CTNNA3: variants seen among roughly 807,000 people sequenced by gnomAD.
CTNNA3 encodes the protein catenin alpha-3.
In CTNNA3, 76 loss-of-function variants were observed where a neutral mutation model predicts 95.7. The ratio of observed to expected loss-of-function variants is 0.79; its 90% confidence interval spans 0.66 to 0.96. The LOEUF is 0.96. Ranked by LOEUF, CTNNA3 falls within the 40% of genes least tolerant of loss-of-function variation. The pLI is 0.00. For synonymous variants in CTNNA3, 431 were observed against 374.4 expected (o/e 1.15, Z -1.74); for missense variants, 1,191 against 1,089.8 (o/e 1.09, Z -1.31).
At chr10:67,349,252 C>T (rs927905181) in intron 5 of CTNNA3, among the ~76,000 whole-genome samples, 1 of 152,134 alleles carries the variant, frequency 6.6e-6, no homozygotes, top group South Asian at 2.1e-4. Flanking sequence ...AATTAGCATT[C>T]CCAGGTTCAT....
intron 12 of CTNNA3, among the ~76,000 whole-genome samples, chr10:66,357,749 A>G (rs1291821789): frequency 2.0e-5 from 3 of 152,162 alleles, no homozygotes; most frequent in East Asian, 1.9e-4. Flanking sequence ...TAATGATGCT[A>G]TAAGTACGCA....
chr10:66,851,903 T>G (rs2132384038), intron 7 of CTNNA3, among the ~76,000 whole-genome samples: 1 of 152,246 alleles, frequency 6.6e-6, no homozygotes, highest in African/African-American at 2.4e-5. Context: ...ATTTACTGAC[T>G]GCTCAAGTCT....
chr10:67,360,352 T>A (rs536824244), intron 5 of CTNNA3, among the ~76,000 whole-genome samples: 9 of 148,376 alleles, frequency 6.1e-5, no homozygotes, highest in African/African-American at 2.2e-4. Flanking sequence ...ACCTCACATA[T>A]CAATATTAAT....
At position 67,743,074 on chromosome 10, in the gene CTNNA3, C is replaced by T. The variant is rs1219267308; in HGVS notation, c.-2+20360G>A. On this transcript the variant is annotated intron_variant, in intron 1 of 17. Transcript: ENST00000684154. The stretch of plus-strand genomic sequence containing the variant: ...TCACAGCCGAATTCTACCAGAGGTA[C>T]AAACAGGAGCTGGTACCATTCCTTC... 5.6e-4 allele frequency among the ~76,000 whole-genome samples: 85 copies of T among 151,222 alleles called. 4 individuals are homozygous for T. The highest frequency in any genetic ancestry group is 2.1e-4 in the Non-Finnish European group (14 of 67,710).
intron 5 of CTNNA3, among the ~76,000 whole-genome samples, chr10:67,352,383 T>C (rs576067459): frequency 1.8e-4 from 27 of 152,106 alleles, no homozygotes; most frequent in African/African-American, 5.1e-4. Flanking sequence ...GATGTATTTA[T>C]TCCTTGACTT....
chr10:66,787,521 G>A (rs1026088279), intron 7 of CTNNA3, among the ~76,000 whole-genome samples: 3 of 151,996 alleles, frequency 2.0e-5, no homozygotes, highest in East Asian at 1.9e-4. Flanking sequence ...TCCTCTCCGG[G>A]AAGTGCTAAA....
rs1554879490 is a variant in CTNNA3, at chr10:67,726,426, T to TATATAATATTA, written c.-2+37007_-2+37008insTAATATTATAT. 3.7e-4 allele frequency among the ~76,000 whole-genome samples: 11 copies of TATATAATATTA among 29,516 alleles called. No homozygotes were observed. The East Asian group carries it at 0.014, about 39-fold the overall frequency. The allele number at this position is 29,516 out of a possible 152,430, so 19.4% of individuals were successfully genotyped here. On this transcript the variant is annotated intron_variant, in intron 1 of 17. Transcript: ENST00000684154. The stretch of plus-strand genomic sequence containing the variant: ...ATTATATCATATATAATATTATATA[T>TATATAATATTA]TATATCATATATAATATATAATATT...
At chr10:67,165,537 T>C (rs1861730149) in intron 7 of CTNNA3, among the ~76,000 whole-genome samples, 1 of 152,210 alleles carries the variant, frequency 6.6e-6, no homozygotes, top group Admixed American at 6.5e-5. Context: ...TTTTGATATC[T>C]TGCTATATAG....
chr10:67,355,245 TC>T (rs1842767782), intron 5 of CTNNA3, among the ~76,000 whole-genome samples: 1 of 151,926 alleles, frequency 6.6e-6, no homozygotes, highest in African/African-American at 2.4e-5. Context: ...CTGACCCCAT[TC>T]CCTGTCCCTA....
intron 7 of CTNNA3, chr10:67,012,943 T>C (rs1255936798): frequency 6.6e-6 from 1 of 152,186 alleles, no homozygotes; most frequent in Non-Finnish European, 1.5e-5. Context: ...TATCTTTTCA[T>C]GATTTTAAAA....
At chr10:66,687,356 C>T (rs979347271) in intron 9 of CTNNA3, among the ~76,000 whole-genome samples, 1 of 152,016 alleles carries the variant, frequency 6.6e-6, no homozygotes, top group Non-Finnish European at 1.5e-5. Context: ...CTTGATGCCT[C>T]CCATTTCTTC....
At chr10:67,471,581 A>G (rs1045316360) in intron 5 of CTNNA3, among the ~76,000 whole-genome samples, 1 of 152,216 alleles carries the variant, frequency 6.6e-6, no homozygotes, top group Non-Finnish European at 1.5e-5. Context: ...GAAACTGAAG[A>G]AAAAAAGAAC....
chr10:67,560,521 T>C (rs555135535), intron 3 of CTNNA3, among the ~76,000 whole-genome samples: 9 of 152,278 alleles, frequency 5.9e-5, no homozygotes, highest in South Asian at 2.1e-4. Context: ...CGGTACCAGC[T>C]ACTGCAAAAA....
rs1468493520 is a variant in CTNNA3, at chr10:66,447,139, A to G, written c.1532-67787T>C. Among the ~76,000 whole-genome samples, 5 of 152,002 alleles carry G rather than the reference A, an allele frequency of 3.3e-5. No homozygotes were observed. The East Asian group carries it at 9.6e-4, about 29-fold the overall frequency. ...ACAAGGGATGTGAAGGGCCTCTTCA[A>G]GGAGAACTACAAACCACTGCTCAAT... On this transcript the variant is annotated intron_variant, in intron 11 of 17. Transcript: ENST00000433211.
intron 13 of CTNNA3, among the ~76,000 whole-genome samples, chr10:66,221,600 TCTCA>T (rs1291458385): frequency 1.3e-5 from 2 of 152,222 alleles, no homozygotes; most frequent in Non-Finnish European, 2.9e-5. Context: ...TATTACTAAA[TCTCA>T]CTGTGTTACC....
chr10:66,524,865 T>C (rs982695989), intron 10 of CTNNA3, among the ~76,000 whole-genome samples: 1 of 151,818 alleles, frequency 6.6e-6, no homozygotes, highest in Admixed American at 6.6e-5. Flanking sequence ...GACTGACCAA[T>C]ATGGAGAAAC....
intron 5 of CTNNA3, among the ~76,000 whole-genome samples, chr10:67,243,938 T>G (rs1192697058): frequency 6.6e-6 from 1 of 152,196 alleles, no homozygotes; most frequent in Non-Finnish European, 1.5e-5. Flanking sequence ...TCTTCATTCC[T>G]CCATCCACTA....
intron 5 of CTNNA3, among the ~76,000 whole-genome samples, chr10:67,302,987 T>C (rs1175077659): frequency 6.6e-6 from 1 of 152,228 alleles, no homozygotes; most frequent in Non-Finnish European, 1.5e-5. Context: ...CCTGGGAACC[T>C]GTCAGAAATG....
At chr10:66,336,682 C>T (rs995322857) in intron 12 of CTNNA3, among the ~76,000 whole-genome samples, 1 of 151,990 alleles carries the variant, frequency 6.6e-6, no homozygotes. Flanking sequence ...TTCACATCTA[C>T]TTACTTTCCA....
Sources: allele counts gnomAD v4.1 joint callset (sites outside exome capture counted in the v4.1 genomes callset), GRCh38; gene constraint gnomAD v4.1.1; transcripts MANE v1.5; gene names NCBI Gene and HGNC (gene_info 2026-07-23, HGNC 2026-07-21).